Variants in NAB1 observed in about 807,000 individuals in gnomAD.
The protein encoded by NAB1 is NGFI-A-binding protein 1.
A neutral mutation model predicts 49.9 loss-of-function variants in NAB1; 25 were observed. The observed-to-expected ratio is 0.50, with a 90% CI of 0.37 to 0.70. The LOEUF is 0.70. Among genes scored for constraint, NAB1 ranks in the 30% least tolerant of loss-of-function variants. The probability of loss-of-function intolerance (pLI) is 0.00; values close to 1 mark genes in which losing one functional copy is unlikely to be tolerated. For synonymous variants in NAB1, 198 were observed against 215.6 expected (o/e 0.92, Z 0.71); for missense variants, 489 against 575.9 (o/e 0.85, Z 1.54).
rs1393240559 is a variant in NAB1 at position 190,678,101 on chromosome 2, T to TTA, written c.1005+4951_1005+4952dup. On this transcript the variant is annotated intron_variant, in intron 6 of 9. Coordinates refer to ENST00000337386, the MANE Select transcript of NAB1 (RefSeq NM_005966.4). This position sits in a 1 kb window ranked among gnomAD's most constrained non-coding sequence, Gnocchi z 4.9. ...AATTTTCATTTGATATGCTGATTGT[T>TTA]TATGAGTAAAAACCTTGTGTTGGGA... Among the ~76,000 whole-genome samples the TTA allele has an allele frequency of 6.6e-6, 1 of 152,206 alleles. No homozygotes were observed. The highest frequency in any genetic ancestry group is 2.4e-5 in the African/African-American group (1 of 41,454).
At chr2:190,668,582 G>C (rs1242412863) in intron 4 of NAB1, among the ~76,000 whole-genome samples, 1 of 152,006 alleles carries the variant, frequency 6.6e-6, no homozygotes, top group Non-Finnish European at 1.5e-5. Context: ...ACTGAAAAAA[G>C]TAGATTACAA....
rs765660868 is a variant in NAB1, at chr2:190,659,354, A to G, written c.178A>G (p.Ser60Gly). The change falls in exon 4 of 10, where the codon AGC (serine) becomes GGC (glycine). Residue 60 changes from serine to glycine, a missense_variant. Physicochemically the swap from Ser to Gly is moderately conservative, Grantham distance 56 (BLOSUM62 0). Coordinates refer to ENST00000337386, the MANE Select transcript of NAB1 (RefSeq NM_005966.4). This position sits in a 1 kb window ranked among gnomAD's most constrained non-coding sequence, Gnocchi z 6.2. ...LEIMALVGMA[S>G]KPLHVRRLQK... Reference sequence around the variant, plus strand: ...AATCATGGCACTCGTGGGCATGGCTAGCAAGCCCCTTCATGTTAGAAGGCT... The same window carrying G: ...AATCATGGCACTCGTGGGCATGGCTGGCAAGCCCCTTCATGTTAGAAGGCT... 6 of 1,614,034 alleles carry G rather than the reference A, an allele frequency of 3.7e-6. No individual in the cohort carries two copies. Among genetic ancestry groups the G allele is most frequent in the Middle Eastern group, 3.3e-4 (2 of 6,082 alleles).
rs144798305 is a variant in NAB1 at position 190,689,787 on chromosome 2, A to G, written c.1376-458A>G. 0.013 allele frequency among the ~76,000 whole-genome samples: 1,997 copies of G among 152,132 alleles called. 17 individuals are homozygous for G. Among genetic ancestry groups the G allele is most frequent in the Middle Eastern group, 0.02 (6 of 294 alleles). On this transcript the variant is annotated intron_variant, in intron 9 of 9. Coordinates refer to ENST00000337386, the MANE Select transcript of NAB1 (RefSeq NM_005966.4). This position sits in a 1 kb window ranked among gnomAD's most constrained non-coding sequence, Gnocchi z 4.3. Reference sequence around the variant, plus strand: ...AGTCTGATTCCTTCATTGATGGTAAATATTTTAACCAGTAACAGTTATTTA... The same window carrying G: ...AGTCTGATTCCTTCATTGATGGTAAGTATTTTAACCAGTAACAGTTATTTA...
At chr2:190,658,398 A>G (rs1245570941) in intron 3 of NAB1, among the ~76,000 whole-genome samples, 10 of 152,166 alleles carry the variant, frequency 6.6e-5, no homozygotes, top group Admixed American at 5.2e-4. Flanking sequence ...CTGAACTCTC[A>G]GATGTAATCT....
chr2:190,651,579 G>A lies in NAB1; in HGVS notation c.-197+1597G>A, dbSNP rs189402496. 1.8e-4 allele frequency among the ~76,000 whole-genome samples: 28 copies of A among 152,192 alleles called. No homozygotes were observed. Among genetic ancestry groups the A allele is most frequent in the African/African-American group, 5.8e-4 (24 of 41,526 alleles). ...AAAGAAAATATAGACATGGGGTCTC[G>A]CTGTGTTGCCCAGGTTGGCCTCAAA... On this transcript the variant is annotated intron_variant, in intron 2 of 9. Coordinates refer to ENST00000337386, the MANE Select transcript of NAB1 (RefSeq NM_005966.4). This position sits in a 1 kb window ranked among gnomAD's most constrained non-coding sequence, Gnocchi z 4.3.
chr2:190,673,348 A>G (rs558940970), intron 6 of NAB1, 196 bp downstream of exon 6: 28 of 598,278 alleles, frequency 4.7e-5, no homozygotes, highest in South Asian at 2.9e-4. Flanking sequence ...TAGCAGACCA[A>G]GGAAAATTTT....
intron 4 of NAB1, among the ~76,000 whole-genome samples, chr2:190,661,355 C>T (rs1454770842): frequency 1.3e-5 from 2 of 152,080 alleles, no homozygotes; most frequent in African/African-American, 4.8e-5. Flanking sequence ...ATCCTTTGAA[C>T]CAGTAGAGGA....
intron 2 of NAB1, among the ~76,000 whole-genome samples, chr2:190,653,498 T>C (rs1362971823): frequency 1.3e-5 from 2 of 152,222 alleles, no homozygotes; most frequent in African/African-American, 4.8e-5. Context: ...TCTAGTCTTA[T>C]GCATAAATAA....
chr2:190,665,536 T>C (rs1694472939), intron 4 of NAB1, among the ~76,000 whole-genome samples: 1 of 152,216 alleles, frequency 6.6e-6, no homozygotes, highest in African/African-American at 2.4e-5. Flanking sequence ...TTCACTTTTG[T>C]TGCCTTGTTT....
At position 190,690,977 on chromosome 2, in the gene NAB1, A is replaced by G. The variant is rs1286825412; in HGVS notation, c.*644A>G. 1 of 152,624 alleles carries G rather than the reference A, an allele frequency of 6.6e-6. No homozygotes were observed. The highest frequency in any genetic ancestry group is 1.5e-5 in the Non-Finnish European group (1 of 68,014). The allele number at this position is 152,624 out of a possible 1,614,324, so 9.5% of individuals were successfully genotyped here. A position where few individuals can be genotyped will look rare whatever the true frequency, so the allele number is the denominator to read the frequency against. On this transcript the variant is annotated 3_prime_UTR_variant, in exon 10 of 10. Coordinates refer to ENST00000337386, the MANE Select transcript of NAB1 (RefSeq NM_005966.4). Reference sequence around the variant, plus strand: ...AACATCTGGTTATCAATGCACGTTTACACAATAAATACTTGAGTGGAGGAA... The same window carrying G: ...AACATCTGGTTATCAATGCACGTTTGCACAATAAATACTTGAGTGGAGGAA...
intron 5 of NAB1, among the ~76,000 whole-genome samples, chr2:190,672,033 C>T (rs1694840119): frequency 6.6e-6 from 1 of 152,124 alleles, no homozygotes; most frequent in Non-Finnish European, 1.5e-5. Flanking sequence ...CTTGGCCTCC[C>T]AAAGTGCTGG....
At chr2:190,661,256 G>T (rs1694210942) in intron 4 of NAB1, among the ~76,000 whole-genome samples, 1 of 152,134 alleles carries the variant, frequency 6.6e-6, no homozygotes, top group Non-Finnish European at 1.5e-5. Context: ...AATGATTTTA[G>T]ACATGAATGT....
intron 9 of NAB1, among the ~76,000 whole-genome samples, chr2:190,688,634 G>A (rs576067858): frequency 6.6e-6 from 1 of 152,096 alleles, no homozygotes; most frequent in Non-Finnish European, 1.5e-5. Context: ...CAATTACATT[G>A]ATCATGTGTC....
At position 190,670,944 on chromosome 2, in the gene NAB1, G is replaced by A. The variant is rs1447251546; in HGVS notation, c.953+485G>A. The stretch of plus-strand genomic sequence containing the variant: ...AGATACTTCTATTACTAGCACATGG[G>A]TTATGGAACACAAGTTTGAAATAAA... On this transcript the variant is annotated intron_variant, in intron 5 of 9. Coordinates refer to ENST00000337386, the MANE Select transcript of NAB1 (RefSeq NM_005966.4). This position sits in a 1 kb window ranked among gnomAD's most constrained non-coding sequence, Gnocchi z 5.3. Among the ~76,000 whole-genome samples, 1 of 152,182 alleles carries A rather than the reference G, an allele frequency of 6.6e-6. No individual in the cohort carries two copies. The highest frequency in any genetic ancestry group is 1.5e-5 in the Non-Finnish European group (1 of 68,036).
chr2:190,690,009 C>CGTCT (rs1559258232), intron 9 of NAB1, among the ~76,000 whole-genome samples: 21 of 982 alleles, frequency 0.021, 1 homozygote, highest in East Asian at 0.064. Flanking sequence ...GAGATGTATA[C>CGTCT]ATCTATACAT....
In NAB1 at chr2:190,685,326, C is replaced by T; in HGVS notation, c.1096-150C>T. The T allele has an allele frequency of 1.6e-6, 1 of 615,772 alleles. No homozygotes were observed. Among genetic ancestry groups the T allele is most frequent in the Non-Finnish European group, 2.8e-6 (1 of 361,772 alleles). 38.1% of individuals were successfully genotyped at this position (615,772 alleles called of 1,614,324 possible). On this transcript the variant is annotated intron_variant, in intron 7 of 9. Coordinates refer to ENST00000337386, the MANE Select transcript of NAB1 (RefSeq NM_005966.4). This position sits in a 1 kb window ranked among gnomAD's most constrained non-coding sequence, Gnocchi z 4.5. ...TAACATGATGATATAGACATCTATG[C>T]ATATTTATGGAATTTGTATACCACA...
chr2:190,655,466 G>T (rs1574416951), intron 2 of NAB1, among the ~76,000 whole-genome samples: 1 of 152,110 alleles, frequency 6.6e-6, no homozygotes, highest in East Asian at 1.9e-4. Context: ...AGAATTCTTA[G>T]AATATAATAG....
In NAB1 at chr2:190,674,356, C is replaced by T. The variant is rs1694969626; in HGVS notation, c.1005+1204C>T. Among the ~76,000 whole-genome samples, 1 of 152,162 alleles carries T rather than the reference C, an allele frequency of 6.6e-6. No homozygotes were observed. Among genetic ancestry groups the T allele is most frequent in the Non-Finnish European group, 1.5e-5 (1 of 68,018 alleles). ...TCAACACTCACTGTTTTCCCCCTAC[C>T]TAGACTTCTGTTTCTTTAGATGGCT... On this transcript the variant is annotated intron_variant, in intron 6 of 9. Transcript: ENST00000337386. The surrounding 1 kb of genome is among the most constrained non-coding windows in gnomAD (Gnocchi z 5.7).
rs1574411168 is a variant in NAB1 at position 190,652,505 on chromosome 2, TA to T, written c.-197+2526del. On this transcript the variant is annotated intron_variant, in intron 2 of 9. Coordinates refer to ENST00000337386, the MANE Select transcript of NAB1 (RefSeq NM_005966.4). This position sits in a 1 kb window ranked among gnomAD's most constrained non-coding sequence, Gnocchi z 4.2. ...TTTAGTTTTTTCTAATTTTGGCAAG[TA>T]AATTTAACCTCACACTGAATATTTT... Among the ~76,000 whole-genome samples, 5 of 152,350 alleles carry T rather than the reference TA, an allele frequency of 3.3e-5. 1 individual carries two copies. The highest frequency in any genetic ancestry group is 3.3e-4 in the Admixed American group (5 of 15,312).
Sources: allele counts gnomAD v4.1 joint callset (sites outside exome capture counted in the v4.1 genomes callset), GRCh38; gene constraint gnomAD v4.1.1; non-coding constraint Gnocchi (gnomAD v3.1); transcripts MANE v1.5; gene names NCBI Gene and HGNC (gene_info 2026-07-23, HGNC 2026-07-21).